GLCCI1: variants seen among roughly 807,000 people sequenced by gnomAD.
GLCCI1 encodes the protein glucocorticoid induced 1.
GLCCI1 carries 24 observed loss-of-function variants against 52.2 expected under a neutral mutation model. The observed-to-expected ratio is 0.46, with a 90% CI of 0.33 to 0.65. The LOEUF is 0.65. Ranked by LOEUF, GLCCI1 falls within the 30% of genes least tolerant of loss-of-function variation. The pLI, the probability that GLCCI1 is intolerant of heterozygous loss-of-function variation, is 0.02. For synonymous variants in GLCCI1, 310 were observed against 276.5 expected (o/e 1.12, Z -1.20); for missense variants, 704 against 701.5 (o/e 1.00, Z -0.04).
chr7:7,977,320 A>G (rs145333463), intron 1 of GLCCI1, among the ~76,000 whole-genome samples: 1 of 152,330 alleles, frequency 6.6e-6, no homozygotes, highest in East Asian at 1.9e-4. Flanking sequence ...TTGACTGACT[A>G]GACTTGTGCT....
chr7:7,987,339 C>T (rs750609229), intron 1 of GLCCI1, among the ~76,000 whole-genome samples: 18 of 152,170 alleles, frequency 1.2e-4, no homozygotes, highest in Non-Finnish European at 2.4e-4. Context: ...ATATTCCTGA[C>T]GTTTCCAGGT....
chr7:8,059,873 C>T (rs941772186), intron 4 of GLCCI1, among the ~76,000 whole-genome samples: 3 of 152,140 alleles, frequency 2.0e-5, no homozygotes, highest in Non-Finnish European at 4.4e-5. Context: ...TACCTTTATA[C>T]TTACATAAAG....
intron 1 of GLCCI1, among the ~76,000 whole-genome samples, chr7:7,983,034 G>A (rs1407300171): frequency 6.6e-6 from 1 of 152,088 alleles, no homozygotes; most frequent in African/African-American, 2.4e-5. Context: ...GTTGTACTTT[G>A]TATTAAACAT....
At chr7:8,066,050 G>A (rs910382952) in intron 5 of GLCCI1, among the ~76,000 whole-genome samples, 18 of 152,118 alleles carry the variant, frequency 1.2e-4, no homozygotes, top group African/African-American at 4.3e-4. Context: ...CTGGTTGGTA[G>A]GCTTTTTATT....
At chr7:7,985,566 C>G (rs1002597213) in intron 1 of GLCCI1, among the ~76,000 whole-genome samples, 2 of 152,128 alleles carry the variant, frequency 1.3e-5, no homozygotes, top group African/African-American at 4.8e-5. Flanking sequence ...GAACACCCAA[C>G]TAGACATATT....
intron 1 of GLCCI1, among the ~76,000 whole-genome samples, chr7:7,975,072 A>G (rs1768475782): frequency 6.6e-6 from 1 of 152,194 alleles, no homozygotes; most frequent in South Asian, 2.1e-4. Flanking sequence ...GAACTGATGG[A>G]AGGCAGATAC....
At chr7:8,020,733 T>G (rs1781466868) in intron 2 of GLCCI1, among the ~76,000 whole-genome samples, 1 of 152,202 alleles carries the variant, frequency 6.6e-6, no homozygotes. Flanking sequence ...TTATAAAGAT[T>G]ATGATTCTTA....
intron 6 of GLCCI1, among the ~76,000 whole-genome samples, chr7:8,076,097 A>G (rs1288858814): frequency 6.6e-6 from 1 of 152,130 alleles, no homozygotes; most frequent in Non-Finnish European, 1.5e-5. Context: ...ACATACTTGT[A>G]TTTATCTCTA....
chr7:8,008,104 C>T (rs1322054547), intron 2 of GLCCI1, among the ~76,000 whole-genome samples: 1 of 122,892 alleles, frequency 8.1e-6, no homozygotes, highest in East Asian at 2.1e-4. Context: ...TTAAAATCTA[C>T]TCTCTTAGCA....
Position 8,070,950 on chromosome 7 carries a change from T to C in GLCCI1, c.996T>C (p.Ala332=). Residue 332 remains alanine, a synonymous_variant, in exon 6 of 8, where the codon GCT becomes GCC. Coordinates refer to ENST00000223145, the MANE Select transcript of GLCCI1 (RefSeq NM_138426.4). ...TGGACATACCAGATGGTCGAAGAGCTCCACTTCCTGCTCATTACCGGAGCA... is the reference window on the plus strand; with the variant it reads ...TGGACATACCAGATGGTCGAAGAGCCCCACTTCCTGCTCATTACCGGAGCA... ...KPLDIPDGRR[A]PLPAHYRSSS... 4 of 1,614,170 alleles carry C rather than the reference T, an allele frequency of 2.5e-6. No homozygotes were observed. Among genetic ancestry groups the C allele is most frequent in the Non-Finnish European group, 3.4e-6 (4 of 1,180,014 alleles).
At chr7:7,998,509 C>T (rs2115422519) in intron 1 of GLCCI1, among the ~76,000 whole-genome samples, 1 of 152,356 alleles carries the variant, frequency 6.6e-6, no homozygotes, top group Middle Eastern at 3.4e-3. Flanking sequence ...AGCCACCGTG[C>T]AGGCTCAGGA....
intron 4 of GLCCI1, among the ~76,000 whole-genome samples, chr7:8,058,795 T>G (rs909938077): frequency 6.6e-6 from 1 of 152,206 alleles, no homozygotes; most frequent in Non-Finnish European, 1.5e-5. Flanking sequence ...GAAAATTTGT[T>G]TATAACTTTT....
chr7:8,000,233 A>G (rs1405146155), intron 1 of GLCCI1, among the ~76,000 whole-genome samples: 1 of 152,206 alleles, frequency 6.6e-6, no homozygotes, highest in Non-Finnish European at 1.5e-5. Flanking sequence ...ATTACTATAA[A>G]TCAGATAATG....
chr7:8,007,376 G>T (rs553738313), intron 2 of GLCCI1, among the ~76,000 whole-genome samples: 6 of 152,114 alleles, frequency 3.9e-5, no homozygotes, highest in Non-Finnish European at 7.3e-5. Flanking sequence ...TACGTAGTAC[G>T]TATTAAGCGT....
intron 3 of GLCCI1, among the ~76,000 whole-genome samples, chr7:8,052,971 A>G (rs1200284974): frequency 6.6e-6 from 1 of 151,890 alleles, no homozygotes; most frequent in African/African-American, 2.4e-5. Flanking sequence ...AAAGTGCACA[A>G]CCAGTCTTTT....
intron 3 of GLCCI1, among the ~76,000 whole-genome samples, chr7:8,048,499 A>G (rs1190966436): frequency 6.6e-6 from 1 of 150,998 alleles, no homozygotes; most frequent in South Asian, 2.1e-4. Flanking sequence ...ATCCTACCGC[A>G]CTCTTTTCAG....
chr7:7,981,153 G>T (rs2115407625), intron 1 of GLCCI1: 3 of 451,204 alleles, frequency 6.6e-6, no homozygotes, highest in East Asian at 1.3e-4. Context: ...CACAGATGAG[G>T]ATCTGGATAT....
chr7:8,022,548 G>T lies in GLCCI1; in HGVS notation c.675G>T (p.Gly225=), dbSNP rs763273148. ...CACATCAGCGTTCTGCGTCATGGGG[G>T]AGTGCTGATCAACTAAAAGAGGTAA... is the stretch of plus-strand genomic sequence containing the variant. ...KRSHQRSASW[G]SADQLKEQIA... The change falls in exon 3 of 8, where the codon GGG becomes GGT. Residue 225 remains glycine (G), a synonymous_variant. Transcript: ENST00000223145. 1.3e-6 allele frequency: 2 copies of T among 1,577,278 alleles called. No homozygotes were observed. The highest frequency in any genetic ancestry group is 1.7e-6 in the Non-Finnish European group (2 of 1,160,128).
chr7:8,068,898 C>T (rs189031000), intron 5 of GLCCI1, among the ~76,000 whole-genome samples: 13 of 152,288 alleles, frequency 8.5e-5, no homozygotes, highest in Admixed American at 8.5e-4. Context: ...GGTTTATTAA[C>T]TAAGTATTTT....
Sources: gnomAD v4.1 joint callset for allele counts (sites outside exome capture counted in the v4.1 genomes callset) on GRCh38, gnomAD v4.1.1 for gene constraint, MANE v1.5 for transcripts, NCBI Gene and HGNC (gene_info 2026-07-23, HGNC 2026-07-21) for gene names.